The following NBPF12 variants were observed in gnomAD, a reference collection of about 807,000 sequenced individuals.
The protein encoded by NBPF12 is NBPF member 12.
A neutral mutation model predicts 146.4 loss-of-function variants in NBPF12; 115 were observed. The ratio of observed to expected loss-of-function variants is 0.79; its 90% CI spans 0.68 to 0.92. The LOEUF (loss-of-function observed/expected upper bound fraction) is 0.92. Among genes scored for constraint, NBPF12 ranks in the 40% least tolerant of loss-of-function variants. The pLI is 0.00. For synonymous variants in NBPF12, 385 were observed against 508.9 expected (o/e 0.76, Z 3.28); for missense variants, 1,205 against 1,326.8 (o/e 0.91, Z 1.43).
exon 34 of NBPF12, chr1:146,994,389 T>C: frequency 6.2e-7 from 1 of 1,612,428 alleles, no homozygotes; most frequent in Admixed American, 1.7e-5. Flanking sequence ...ACTCACTGGA[T>C]AGATGTTATT....
rs1282545358 is a variant in NBPF12 at position 146,962,743 on chromosome 1, G to A, written c.279-352G>A. ...ATTTCTGTACATGGCTTTGTATCTA[G>A]TGGCCGCAAGATGCACTATGTGTAT... On this transcript the variant is annotated intron_variant, in intron 5 of 33. Transcript: ENST00000617844. Among the ~76,000 whole-genome samples the A allele has an allele frequency of 6.0e-3, 889 of 148,080 alleles. 9 individuals carry two copies. The highest frequency in any genetic ancestry group is 0.021 in the African/African-American group (838 of 39,854).
rs1244480546 is a variant in NBPF12, at chr1:146,972,440, A to G, written c.1592-311A>G. Among the ~76,000 whole-genome samples the G allele has an allele frequency of 5.3e-5, 8 of 151,374 alleles. No homozygotes were observed. In the East Asian group the frequency reaches 5.8e-4, roughly 11 times the overall value. ...AAAAGAAAAAAATTAAAAAAGCAAA[A>G]TGAAATCTTTTGTGCTACACAGAAA... is the stretch of plus-strand genomic sequence containing the variant. On this transcript the variant is annotated intron_variant, in intron 13 of 33. Transcript: ENST00000617844.
intron 14 of NBPF12, among the ~76,000 whole-genome samples, chr1:146,973,571 C>T (rs1267731388): frequency 4.0e-5 from 6 of 148,942 alleles, no homozygotes; most frequent in African/African-American, 7.6e-5. Context: ...GAGTAGAGCA[C>T]GAGGTCAGGA....
intron 4 of NBPF12, among the ~76,000 whole-genome samples, chr1:146,961,662 T>C (rs1307479939): frequency 9.2e-5 from 14 of 152,076 alleles, no homozygotes; most frequent in Admixed American, 9.2e-4. Context: ...TCAGATATGA[T>C]TCTTAAAACC....
At chr1:146,968,279 A>G (rs1358166735) in intron 9 of NBPF12, among the ~76,000 whole-genome samples, 169 bp from the exon 13 acceptor site, 2 of 144,948 alleles carry the variant, frequency 1.4e-5, no homozygotes, top group African/African-American at 5.0e-5. Context: ...GGAGGATCAG[A>G]TGCCAGAAAG....
In NBPF12 at chr1:146,959,924, C is replaced by T. The variant is rs1388575140; in HGVS notation, c.-118C>T. 1.3e-4 allele frequency: 34 copies of T among 258,146 alleles called. 1 individual carries two copies. The African/African-American group carries it at 2.8e-3, about 21-fold the overall frequency. 16.0% of individuals were successfully genotyped at this position (258,146 alleles called of 1,614,324 possible). On this transcript the variant is annotated 5_prime_UTR_variant, in exon 3 of 34. Coordinates refer to ENST00000617844, the Ensembl canonical transcript of NBPF12. ...ATCAGAGTCTGAGCAGTGCTTTCAG[C>T]TCTGAGTTGAGGCACCTCGAACCTT...
At chr1:146,984,864 A>G in exon 22 of NBPF12, 1 of 1,564,788 alleles carries the variant, frequency 6.4e-7, no homozygotes. Context: ...TGCAGGACTC[A>G]CTGGATAGAT....
At position 146,976,368 on chromosome 1, in the gene NBPF12, C is replaced by T. The variant is rs1315586072; in HGVS notation, c.2119+477C>T. On this transcript the variant is annotated intron_variant, in intron 16 of 33. Transcript: ENST00000617844. ...TGTGGGAACACTTACAACTGCTTTC[C>T]AAAATGAGATGAAGCCCCTCTCCGT... Among the ~76,000 whole-genome samples, 141 of 138,176 alleles carry T rather than the reference C, an allele frequency of 1.0e-3. 1 individual carries two copies. The highest frequency in any genetic ancestry group is 3.8e-3 in the African/African-American group (132 of 34,624). 90.6% of individuals were successfully genotyped at this position (138,176 alleles called of 152,430 possible).
chr1:146,980,601 T>G (rs1424452733), intron 19 of NBPF12, among the ~76,000 whole-genome samples: 14 of 151,992 alleles, frequency 9.2e-5, no homozygotes, highest in South Asian at 2.1e-4. Context: ...ATGAAATTCT[T>G]GGTTGAAAAT....
chr1:146,967,794 G>C lies in NBPF12; in HGVS notation c.989-654G>C, dbSNP rs1488749260. Among the ~76,000 whole-genome samples, 162 of 150,476 alleles carry C rather than the reference G, an allele frequency of 1.1e-3. 9 individuals carry two copies. Among genetic ancestry groups the C allele is most frequent in the African/African-American group, 3.9e-3 (159 of 40,508 alleles). Reference sequence around the variant, plus strand: ...CAGTGAATTACATGAGCTATTTCTTGTCAATCTCATAGAACGTTTATTGGC... The same window carrying C: ...CAGTGAATTACATGAGCTATTTCTTCTCAATCTCATAGAACGTTTATTGGC... On this transcript the variant is annotated intron_variant, in intron 9 of 33. Coordinates refer to ENST00000617844, the Ensembl canonical transcript of NBPF12.
chr1:146,964,057 G>A (rs1370071158), intron 6 of NBPF12, among the ~76,000 whole-genome samples: 1 of 131,506 alleles, frequency 7.6e-6, no homozygotes. Context: ...CAGATCTGTG[G>A]CAGGATGGGG....
At chr1:146,963,263 T>G in exon 6 of NBPF12, 1 of 1,611,574 alleles carries the variant, frequency 6.2e-7, no homozygotes, top group African/African-American at 1.3e-5. Flanking sequence ...AACAGCTGGC[T>G]GAGGGGTGTA....
chr1:146,985,950 C>T (rs1357828405), intron 23 of NBPF12, among the ~76,000 whole-genome samples, 194 bp downstream of exon 26: 1 of 150,742 alleles, frequency 6.6e-6, no homozygotes, highest in Non-Finnish European at 1.5e-5. Context: ...TACTAACTTA[C>T]TATAGGTTGA....
intron 1 of NBPF12, among the ~76,000 whole-genome samples, chr1:146,939,585 G>T (rs1299147810): frequency 4.6e-5 from 7 of 151,954 alleles, no homozygotes; most frequent in Admixed American, 2.6e-4. Flanking sequence ...AGTCCAAAGA[G>T]TTGCTGTGAT....
intron 8 of NBPF12, among the ~76,000 whole-genome samples, chr1:146,965,858 A>T (rs1656168762): frequency 6.9e-6 from 1 of 144,914 alleles, no homozygotes; most frequent in Non-Finnish European, 1.5e-5. Context: ...TCTTAATCCC[A>T]GCACTTTGAG....
exon 34 of NBPF12, chr1:146,994,926 T>A (rs1179905928): frequency 7.9e-6 from 3 of 380,330 alleles, no homozygotes; most frequent in Non-Finnish European, 1.5e-5. Context: ...CAGTGTCATC[T>A]TTGTGTTTAG....
chr1:146,994,442 A>G (rs587743545), exon 34 of NBPF12: 12 of 1,611,846 alleles, frequency 7.4e-6, no homozygotes, highest in Admixed American at 3.3e-5. Flanking sequence ...TCATTCCAGC[A>G]CTACAGAAGT....
chr1:146,940,997 G>GAT (rs1308045621), intron 1 of NBPF12, among the ~76,000 whole-genome samples: 1 of 151,952 alleles, frequency 6.6e-6, no homozygotes, highest in Non-Finnish European at 1.5e-5. Context: ...TCCTTTCTAG[G>GAT]ATATATATGG....
At chr1:146,953,690 C>T (rs1655426497) in intron 2 of NBPF12, among the ~76,000 whole-genome samples, 1 of 110,786 alleles carries the variant, frequency 9.0e-6, no homozygotes, top group African/African-American at 3.8e-5. Flanking sequence ...CACTTCCAAC[C>T]CCATTAAGGG....
Sources: allele counts gnomAD v4.1 joint callset (sites outside exome capture counted in the v4.1 genomes callset), GRCh38; gene constraint gnomAD v4.1.1; transcripts MANE v1.5; gene names NCBI Gene and HGNC (gene_info 2026-07-23, HGNC 2026-07-21).